The following PEX5L variants were observed in gnomAD, a reference collection of about 807,000 sequenced individuals.
PEX5L encodes PEX5-related protein.
In PEX5L, 30 loss-of-function variants were observed where a neutral mutation model predicts 84.0. That is an observed-to-expected ratio of 0.36 (90% CI 0.27 to 0.48). The LOEUF is 0.48. PEX5L is among the 20% of genes least tolerant of loss of function. PEX5L has a pLI of 0.99. For synonymous variants in PEX5L, 270 were observed against 283.1 expected (o/e 0.95, Z 0.46); for missense variants, 533 against 754.6 (o/e 0.71, Z 3.44).
chr3:179,858,549 A>G (rs1243636048), intron 8 of PEX5L, among the ~76,000 whole-genome samples: 1 of 152,200 alleles, frequency 6.6e-6, no homozygotes, highest in Non-Finnish European at 1.5e-5. Flanking sequence ...ATTCTTAATA[A>G]TAAAATTTGC....
intron 9 of PEX5L, 106 bp downstream of exon 9, chr3:179,819,754 T>C: frequency 2.1e-6 from 2 of 972,780 alleles, no homozygotes; most frequent in Non-Finnish European, 3.2e-6. Flanking sequence ...TAAATTGTCT[T>C]TTTAATTACT....
intron 2 of PEX5L, among the ~76,000 whole-genome samples, chr3:179,915,099 A>G (rs762950252): frequency 1.3e-5 from 2 of 152,208 alleles, no homozygotes; most frequent in Non-Finnish European, 2.9e-5. Flanking sequence ...CAAGGAAGTG[A>G]TTCCTTTGTA....
intron 1 of PEX5L, chr3:179,973,482 T>C (rs188699923): frequency 1.2e-5 from 12 of 963,802 alleles, no homozygotes; most frequent in African/African-American, 1.1e-4. Flanking sequence ...TCTATGCTCT[T>C]TGACTGTTGT....
chr3:179,957,023 A>T (rs1253937827), intron 2 of PEX5L, among the ~76,000 whole-genome samples: 1 of 152,202 alleles, frequency 6.6e-6, no homozygotes, highest in African/African-American at 2.4e-5. Context: ...TTGCCTAAGG[A>T]TCACCTTGAT....
intron 2 of PEX5L, among the ~76,000 whole-genome samples, chr3:179,954,217 A>G (rs368521994): frequency 0.028 from 2,973 of 104,968 alleles, 143 homozygotes; most frequent in African/African-American, 0.096. Context: ...GGGGGGGGGA[A>G]AAAGTCAGCC....
rs180973699 is a variant in PEX5L, at chr3:179,800,900, C to G, written c.*928G>C. On this transcript the variant is annotated 3_prime_UTR_variant, in exon 15 of 15. Coordinates refer to ENST00000467460, the MANE Select transcript of PEX5L (RefSeq NM_016559.3). ...CAATAGAAATCACGATACCATCAAA[C>G]TTTCTTCCTGCAGAGAATGCATGAA... 7 of 152,424 alleles carry G rather than the reference C, an allele frequency of 4.6e-5. No individual in the cohort carries two copies. The highest frequency in any genetic ancestry group is 4.6e-4 in the Admixed American group (7 of 15,298). 9.4% of individuals were successfully genotyped at this position (152,424 alleles called of 1,614,324 possible).
rs755050060 is a variant in PEX5L at position 179,811,811 on chromosome 3, C to T, written c.1144G>A (p.Ala382Thr). 1.2e-6 allele frequency: 2 copies of T among 1,613,398 alleles called. No individual in the cohort carries two copies. The highest frequency in any genetic ancestry group is 1.1e-5 in the South Asian group (1 of 91,076). The change falls in exon 11 of 15, where the codon GCC becomes ACC. Residue 382 changes from alanine (A) to threonine (T), a missense_variant. By Grantham distance (58) the Ala-to-Thr change is moderately conservative. Around this residue, in one of 8 missense-constraint regions of PEX5L, gnomAD observed 32 missense variants for 45.5 expected, o/e 0.70. Transcript: ENST00000467460. ...CTTAGCTTCCTTTACCTCTGGAGGG[C>T]GACAATAGCTGCTTGTTCATTTTCA... ...ENENEQAAIV[A>T]LQRCLELQPN...
intron 2 of PEX5L, among the ~76,000 whole-genome samples, chr3:179,930,167 G>A (rs1025170612): frequency 6.6e-6 from 1 of 152,092 alleles, no homozygotes; most frequent in South Asian, 2.1e-4. Context: ...AAGCTGTTCT[G>A]GTGATTCTGA....
At chr3:179,971,193 T>TCTCTCTC (rs374504805) in intron 2 of PEX5L, among the ~76,000 whole-genome samples, 37,416 of 151,514 alleles carry the variant, frequency 0.25, 4,907 homozygotes, top group East Asian at 0.51. Context: ...TTTTCTCTCT[T>TCTCTCTC]TCTCTCTCTC....
rs555705085 is a variant in PEX5L, at chr3:180,007,087, T to C, written c.21+29492A>G. On this transcript the variant is annotated intron_variant, in intron 1 of 14. Coordinates refer to ENST00000467460, the MANE Select transcript of PEX5L (RefSeq NM_016559.3). ...CATCTGAGACAAGGCAAGTCCTTTC[T>C]GCCTATGAGCCTGTAAAATAGAAAG... 2.0e-5 allele frequency among the ~76,000 whole-genome samples: 3 copies of C among 152,316 alleles called. No individual in the cohort carries two copies. In the South Asian group the frequency reaches 6.2e-4, roughly 32 times the overall value.
intron 8 of PEX5L, among the ~76,000 whole-genome samples, chr3:179,856,150 T>C (rs1379123512): frequency 6.6e-6 from 1 of 152,242 alleles, no homozygotes; most frequent in Non-Finnish European, 1.5e-5. Context: ...AAAAATGGAA[T>C]AGTAATCTTA....
At chr3:179,856,339 G>A (rs1395989491) in intron 8 of PEX5L, among the ~76,000 whole-genome samples, 1 of 152,124 alleles carries the variant, frequency 6.6e-6, no homozygotes, top group Non-Finnish European at 1.5e-5. Flanking sequence ...ATTATTGCTA[G>A]ACATTTTTAA....
At chr3:179,928,128 T>C (rs1046278606) in intron 2 of PEX5L, among the ~76,000 whole-genome samples, 3 of 152,202 alleles carry the variant, frequency 2.0e-5, no homozygotes, top group African/African-American at 7.2e-5. Context: ...TTCATATAAT[T>C]GTTTAACATT....
At chr3:180,007,861 C>G (rs936850881) in intron 1 of PEX5L, among the ~76,000 whole-genome samples, 1 of 152,232 alleles carries the variant, frequency 6.6e-6, no homozygotes, top group Non-Finnish European at 1.5e-5. Flanking sequence ...GACCCTGGGC[C>G]TGGCCCATGA....
At chr3:179,884,902 GT>G (rs1755288226) in intron 4 of PEX5L, among the ~76,000 whole-genome samples, 1 of 151,968 alleles carries the variant, frequency 6.6e-6, no homozygotes, top group South Asian at 2.1e-4. Flanking sequence ...CAAAAGATAC[GT>G]TCTTTTAGGG....
intron 8 of PEX5L, among the ~76,000 whole-genome samples, chr3:179,857,490 A>T (rs1322727704): frequency 1.3e-5 from 2 of 152,178 alleles, no homozygotes; most frequent in Admixed American, 6.6e-5. Context: ...AATAGAAAAA[A>T]TTTTTTTGGT....
In PEX5L at chr3:179,942,505, G is replaced by A. The variant is rs776266985; in HGVS notation, c.93+29089C>T. Reference sequence around the variant, plus strand: ...GCCCCAGCGCTTCTGCAGGGCAGTGGCACCGGTAGGCACTCGGAGGCGCGG... The same window carrying A: ...GCCCCAGCGCTTCTGCAGGGCAGTGACACCGGTAGGCACTCGGAGGCGCGG... On this transcript the variant is annotated intron_variant, in intron 2 of 14. Transcript: ENST00000467460. Among the ~76,000 whole-genome samples the A allele has an allele frequency of 7.2e-5, 11 of 152,376 alleles. No individual in the cohort carries two copies. The East Asian group carries it at 2.1e-3, about 29-fold the overall frequency.
intron 2 of PEX5L, among the ~76,000 whole-genome samples, chr3:179,939,798 C>T (rs1775574196): frequency 1.3e-5 from 2 of 152,298 alleles, no homozygotes; most frequent in South Asian, 4.1e-4. Context: ...GCCAGGTCTC[C>T]TTGGTGAGTG....
intron 8 of PEX5L, among the ~76,000 whole-genome samples, chr3:179,855,573 C>T (rs112148186): frequency 2.0e-5 from 3 of 152,260 alleles, no homozygotes; most frequent in African/African-American, 4.8e-5. Context: ...ATAACTATTG[C>T]TAACATTTGG....
Sources: gnomAD v4.1 joint callset for allele counts (sites outside exome capture counted in the v4.1 genomes callset) on GRCh38, gnomAD v4.1.1 for gene constraint, gnomAD v4.1.1 regional missense constraint, MANE v1.5 for transcripts, NCBI Gene and HGNC (gene_info 2026-07-23, HGNC 2026-07-21) for gene names.